The following PTPN14 variants were observed in gnomAD, a reference collection of about 807,000 sequenced individuals.
PTPN14 encodes the protein protein tyrosine phosphatase non-receptor type 14.
A neutral mutation model predicts 126.8 loss-of-function variants in PTPN14; 53 were observed. That is an observed-to-expected ratio of 0.42 (90% confidence interval 0.34 to 0.53). PTPN14 has a LOEUF of 0.53. PTPN14 is among the 20% of genes least tolerant of loss of function. PTPN14 has a pLI of 0.08. For synonymous variants in PTPN14, 630 were observed against 599.3 expected (o/e 1.05, Z -0.75); for missense variants, 1,257 against 1,552.9 (o/e 0.81, Z 3.20).
chr1:214,438,485 G>A (rs967375991), intron 3 of PTPN14, among the ~76,000 whole-genome samples: 1 of 152,174 alleles, frequency 6.6e-6, no homozygotes, highest in Admixed American at 6.5e-5. Context: ...GGAATTGCCT[G>A]AGGGAATTAG....
intron 15 of PTPN14, among the ~76,000 whole-genome samples, chr1:214,373,227 G>C (rs762411793): frequency 6.6e-6 from 1 of 152,110 alleles, no homozygotes; most frequent in Non-Finnish European, 1.5e-5. Context: ...GCTAATTTTT[G>C]TATTTTTGTA....
intron 16 of PTPN14, among the ~76,000 whole-genome samples, chr1:214,371,646 G>A (rs1658221564): frequency 6.6e-6 from 1 of 152,202 alleles, no homozygotes. Flanking sequence ...CAGATGGTAT[G>A]CTGTATTTAG....
intron 5 of PTPN14, among the ~76,000 whole-genome samples, chr1:214,409,491 A>G (rs1012469539): frequency 9.8e-5 from 15 of 152,326 alleles, no homozygotes; most frequent in Middle Eastern, 3.4e-3. Context: ...GGTTGTTTCC[A>G]TATCTTGGCA....
At chr1:214,447,063 GGT>G (rs1660160286) in intron 3 of PTPN14, among the ~76,000 whole-genome samples, 4 of 152,228 alleles carry the variant, frequency 2.6e-5, no homozygotes, top group Admixed American at 2.6e-4. Flanking sequence ...GCAGATCCCA[GGT>G]GCTCTCAGAG....
chr1:214,536,141 G>C (rs1655698050), intron 1 of PTPN14, among the ~76,000 whole-genome samples: 1 of 126,652 alleles, frequency 7.9e-6, no homozygotes, highest in Non-Finnish European at 1.6e-5. Flanking sequence ...TATAATCCCA[G>C]AATTTTGGAA....
At chr1:214,487,298 C>A (rs2102413293) in intron 1 of PTPN14, among the ~76,000 whole-genome samples, 1 of 152,146 alleles carries the variant, frequency 6.6e-6, no homozygotes, top group South Asian at 2.1e-4. Flanking sequence ...TATGAGAGAT[C>A]AGCCAGACTA....
chr1:214,367,477 C>G (rs1216998479), intron 17 of PTPN14, among the ~76,000 whole-genome samples: 2 of 152,142 alleles, frequency 1.3e-5, no homozygotes, highest in African/African-American at 4.8e-5. Context: ...ATTTTTAGGT[C>G]TTGAGAACCT....
intron 7 of PTPN14, 64 bp from the exon 8 acceptor site, chr1:214,398,065 G>A: frequency 7.6e-7 from 1 of 1,322,136 alleles, no homozygotes; most frequent in Non-Finnish European, 1.1e-6. Context: ...ATTCACAATA[G>A]CTAAGATATG....
intron 5 of PTPN14, among the ~76,000 whole-genome samples, chr1:214,406,540 T>C (rs1659176864): frequency 6.6e-6 from 1 of 152,152 alleles, no homozygotes; most frequent in African/African-American, 2.4e-5. Flanking sequence ...TTTAATTTTA[T>C]TTAACTTGCA....
At chr1:214,514,332 A>G (rs925724668) in intron 1 of PTPN14, among the ~76,000 whole-genome samples, 1 of 152,206 alleles carries the variant, frequency 6.6e-6, no homozygotes, top group Non-Finnish European at 1.5e-5. Flanking sequence ...ATTTTAAGAC[A>G]TGCCGCATGT....
chr1:214,485,306 C>T (rs59753200), intron 1 of PTPN14, among the ~76,000 whole-genome samples: 2,726 of 152,270 alleles, frequency 0.018, 85 homozygotes, highest in African/African-American at 0.062. Context: ...ACAAAAAGCA[C>T]CGTGAAGCAT....
At chr1:214,390,828 A>G (rs2102548534) in intron 11 of PTPN14, among the ~76,000 whole-genome samples, 160 bp downstream of exon 11, 1 of 152,240 alleles carries the variant, frequency 6.6e-6, no homozygotes, top group South Asian at 2.1e-4. Context: ...TCCAAGGGGG[A>G]CAAAACGGGT....
intron 15 of PTPN14, 142 bp downstream of exon 15, chr1:214,376,077 G>T: frequency 4.1e-6 from 3 of 724,454 alleles, no homozygotes; most frequent in Non-Finnish European, 6.7e-6. Flanking sequence ...ACTAAGAAAA[G>T]CACAGGAGTT....
intron 1 of PTPN14, among the ~76,000 whole-genome samples, chr1:214,503,339 T>C (rs1558132559): frequency 6.6e-6 from 1 of 152,218 alleles, no homozygotes; most frequent in Admixed American, 6.5e-5. Flanking sequence ...CGTTGACTTC[T>C]TTTTTAGATA....
At chr1:214,478,160 A>G (rs72759608) in intron 1 of PTPN14, among the ~76,000 whole-genome samples, 2,456 of 152,294 alleles carry the variant, frequency 0.016, 27 homozygotes, top group Non-Finnish European at 0.024. Context: ...TGAATCTTAA[A>G]AATTCTGTAT....
intron 3 of PTPN14, among the ~76,000 whole-genome samples, chr1:214,427,270 C>G (rs1170666246): frequency 1.0e-5 from 1 of 96,682 alleles, no homozygotes; most frequent in Admixed American, 1.3e-4. Context: ...GAGTGAGTCT[C>G]CATCTCAAAA....
chr1:214,411,515 G>A (rs1260346215), intron 5 of PTPN14, among the ~76,000 whole-genome samples, 169 bp downstream of exon 5: 3 of 152,038 alleles, frequency 2.0e-5, no homozygotes, highest in Non-Finnish European at 4.4e-5. Flanking sequence ...GGCAGAAGAA[G>A]GCATTTTTAC....
At chr1:214,494,684 C>A (rs1439961565) in intron 1 of PTPN14, among the ~76,000 whole-genome samples, 2 of 152,070 alleles carry the variant, frequency 1.3e-5, no homozygotes, top group Non-Finnish European at 2.9e-5. Flanking sequence ...ATGAACAAAG[C>A]AGGGAGAACT....
At chr1:214,503,705 T>C (rs911150173) in intron 1 of PTPN14, among the ~76,000 whole-genome samples, 2 of 152,234 alleles carry the variant, frequency 1.3e-5, no homozygotes, top group African/African-American at 4.8e-5. Context: ...TAAAATCCTA[T>C]GATGTACTTA....
Sources: gnomAD v4.1 joint callset for allele counts (sites outside exome capture counted in the v4.1 genomes callset) on GRCh38, gnomAD v4.1.1 for gene constraint, MANE v1.5 for transcripts, NCBI Gene and HGNC (gene_info 2026-07-23, HGNC 2026-07-21) for gene names.